Variants in ABR observed in about 807,000 individuals in gnomAD.
ABR encodes active breakpoint cluster region-related protein.
Under a neutral mutation model 107.2 loss-of-function variants are expected in ABR, and 35 were observed. The observed-to-expected ratio is 0.33, with a 90% CI of 0.25 to 0.43. The LOEUF is 0.43. ABR is among the 20% of genes least tolerant of loss of function. The probability of loss-of-function intolerance (pLI) is 1.00; values close to 1 mark genes in which losing one functional copy is unlikely to be tolerated. For missense variants in ABR, 815 were observed against 1,115.2 expected, an observed-to-expected ratio of 0.73 and a Z score of 3.83; for synonymous variants, 498 against 462.0, an observed-to-expected ratio of 1.08 and a Z score of -1.00.
chr17:1,080,705 G>C (rs2036164184), intron 5 of ABR, among the ~76,000 whole-genome samples: 1 of 133,240 alleles, frequency 7.5e-6, no homozygotes, highest in Admixed American at 9.2e-5. Flanking sequence ...GTCTCAAGCT[G>C]TTTCTAGACA....
intron 16 of ABR, among the ~76,000 whole-genome samples, chr17:1,014,782 G>A (rs1039366950): frequency 1.3e-5 from 2 of 150,392 alleles, no homozygotes; most frequent in African/African-American, 4.9e-5. Context: ...GTAGGTGGAG[G>A]TTGCAGTGAG....
chr17:1,058,136 CTTT>C (rs71148422), intron 11 of ABR, 91 bp from the exon 12 acceptor site: 1,148 of 316,928 alleles, frequency 3.6e-3, no homozygotes, highest in Middle Eastern at 7.6e-3. Context: ...CTCCTTTTAT[CTTT>C]TTTTTTTTTT....
At chr17:1,208,407 C>G (rs575530594) in intron 1 of ABR, among the ~76,000 whole-genome samples, 95 of 152,298 alleles carry the variant, frequency 6.2e-4, no homozygotes, top group Admixed American at 3.1e-3. Flanking sequence ...TGCTGCGTCT[C>G]GATCGGGTGA....
In ABR at chr17:1,200,599, T is replaced by A. The variant is rs1266387164; in HGVS notation, c.838+28194A>T. ...ATCTTTGGCCAGTCCAGCTTCATTT[T>A]CTCCCCTCCTCCCGTTACATCAAGC... On this transcript the variant is annotated intron_variant, in intron 1 of 22. Coordinates refer to the ABR transcript ENST00000574139. This position sits in a 1 kb window ranked among gnomAD's most constrained non-coding sequence, Gnocchi z 4.1. Among the ~76,000 whole-genome samples, 1 of 151,926 alleles carries A rather than the reference T, an allele frequency of 6.6e-6. No individual in the cohort carries two copies. The highest frequency in any genetic ancestry group is 1.5e-5 in the Non-Finnish European group (1 of 68,022).
chr17:1,180,805 G>A (rs531523377), upstream of ABR, among the ~76,000 whole-genome samples: 1 of 152,232 alleles, frequency 6.6e-6, no homozygotes, highest in African/African-American at 2.4e-5. Flanking sequence ...GAGATTGGGG[G>A]CCCCATGCCT....
In ABR at chr17:1,028,762, G is replaced by A. The variant is rs571935686; in HGVS notation, c.1792-15598C>T. 2.6e-5 allele frequency among the ~76,000 whole-genome samples: 4 copies of A among 152,274 alleles called. No individual in the cohort carries two copies. The South Asian group carries it at 6.2e-4, about 24-fold the overall frequency. ...GCACTCAATCTCCTTACACCCTGCCGGCTCAGCCTGAGTCCCCACCGCCGG... is the reference window on the plus strand; with the variant it reads ...GCACTCAATCTCCTTACACCCTGCCAGCTCAGCCTGAGTCCCCACCGCCGG... On this transcript the variant is annotated intron_variant, in intron 16 of 22. Coordinates refer to ENST00000302538, the MANE Select transcript of ABR (RefSeq NM_021962.5).
chr17:1,213,333 T>C, intron 1 of ABR, among the ~76,000 whole-genome samples: 1 of 152,204 alleles, frequency 6.6e-6, no homozygotes. Flanking sequence ...GACGTGGCCA[T>C]AGTTTAGGTG....
At chr17:1,134,938 G>T (rs527274232) in intron 1 of ABR, among the ~76,000 whole-genome samples, 1 of 152,398 alleles carries the variant, frequency 6.6e-6, no homozygotes, top group East Asian at 1.9e-4. Flanking sequence ...AAGTGCACGG[G>T]CCGCTGCGGG....
In ABR at chr17:1,138,760, G is replaced by A. The variant is rs576954264; in HGVS notation, c.62-13393C>T. Among the ~76,000 whole-genome samples, 6 of 152,198 alleles carry A rather than the reference G, an allele frequency of 3.9e-5. No individual in the cohort carries two copies. The South Asian group carries it at 8.3e-4, about 21-fold the overall frequency. On this transcript the variant is annotated intron_variant, in intron 1 of 22. Transcript: ENST00000302538. ...CCCAAAGTGCTGGGATTATAGGCATGAGCCACCACACTCTGCCTGAAAAAC... is the reference window on the plus strand; with the variant it reads ...CCCAAAGTGCTGGGATTATAGGCATAAGCCACCACACTCTGCCTGAAAAAC...
At chr17:1,073,179 CAAA>C (rs35495689) in intron 7 of ABR, among the ~76,000 whole-genome samples, 6 of 53,228 alleles carry the variant, frequency 1.1e-4, no homozygotes, top group African/African-American at 3.1e-4. Context: ...GACTCCGCCT[CAAA>C]AAAAAAAAAA....
upstream of ABR, among the ~76,000 whole-genome samples, chr17:1,191,375 T>TTTG (rs1567878920): frequency 7.0e-5 from 10 of 143,444 alleles, no homozygotes; most frequent in African/African-American, 2.5e-4. Flanking sequence ...TTTTTTTTTT[T>TTTG]GAGACAGAGT....
intron 1 of ABR, among the ~76,000 whole-genome samples, chr17:1,142,339 C>G (rs1479355464): frequency 1.1e-4 from 17 of 151,980 alleles, no homozygotes; most frequent in Non-Finnish European, 1.5e-4. Context: ...CATCCCAGCA[C>G]TTTGGGAGGC....
At chr17:1,196,115 C>T (rs1284522686) in intron 1 of ABR, among the ~76,000 whole-genome samples, 3 of 120,212 alleles carry the variant, frequency 2.5e-5, no homozygotes, top group African/African-American at 3.4e-5. Flanking sequence ...AGCAACAGAG[C>T]GAGATTCTGT....
chr17:1,209,729 C>T (rs1250752171), intron 1 of ABR, among the ~76,000 whole-genome samples: 2 of 152,210 alleles, frequency 1.3e-5, no homozygotes, highest in East Asian at 1.9e-4. Flanking sequence ...CTTTCTAATA[C>T]TTGGTGACGT....
chr17:1,170,004 G>A (rs2041648602), intron 1 of ABR, among the ~76,000 whole-genome samples: 1 of 118,058 alleles, frequency 8.5e-6, no homozygotes, highest in African/African-American at 3.5e-5. Context: ...GTGTGTGTGT[G>A]TGTGGGGGGG....
Position 1,011,869 on chromosome 17 carries a change from G to A in ABR, c.2078C>T (p.Ala693Val), listed in dbSNP as rs769863141. The A allele has an allele frequency of 1.3e-5, 20 of 1,593,608 alleles. No individual in the cohort carries two copies. Among genetic ancestry groups the A allele is most frequent in the Middle Eastern group, 1.7e-4 (1 of 5,988 alleles). ...RISGVATDIQALKAVFDANNK... is the reference protein window; with the variant it reads ...RISGVATDIQVLKAVFDANNK... ...ACTGGCATCGAAGACGGCCTTGAGC[G>A]CCTGGATGTCCGTGGCCACGCCCGA... Residue 693 changes from alanine (A) to valine (V), a missense_variant, in exon 19 of 23, where the codon GCG (alanine) becomes GTG (valine). Transcript: ENST00000302538. The surrounding 1 kb of genome is among the most constrained non-coding windows in gnomAD (Gnocchi z 4.8).
chr17:1,083,643 A>G lies in ABR; in HGVS notation c.532-16T>C, dbSNP rs748680925. ...GCTGGCTGGCCTGCAGGGAGGAGTCAGGGAACAGAGGGAGAGGAGGGTGGG... is the reference window on the plus strand; with the variant it reads ...GCTGGCTGGCCTGCAGGGAGGAGTCGGGGAACAGAGGGAGAGGAGGGTGGG... On this transcript the variant is annotated splice_polypyrimidine_tract_variant and intron_variant, in intron 4 of 22. Transcript: ENST00000302538. The G allele has an allele frequency of 1.2e-5, 18 of 1,446,604 alleles. No homozygotes were observed. The highest frequency in any genetic ancestry group is 1.7e-5 in the Admixed American group (1 of 58,592). The allele number at this position is 1,446,604 out of a possible 1,614,324, so 89.6% of individuals were successfully genotyped here.
chr17:1,159,890 T>C (rs1311479180), intron 1 of ABR, among the ~76,000 whole-genome samples: 1 of 152,208 alleles, frequency 6.6e-6, no homozygotes, highest in Non-Finnish European at 1.5e-5. Flanking sequence ...CCTGTGCCTT[T>C]GAGTCAGACC....
In ABR at chr17:1,227,502, T is replaced by C. The variant is rs77631068; in HGVS notation, c.838+1291A>G. 4.0e-4 allele frequency among the ~76,000 whole-genome samples: 61 copies of C among 152,314 alleles called. 2 individuals are homozygous for C. In the East Asian group the frequency reaches 0.012, roughly 29 times the overall value. On this transcript the variant is annotated intron_variant, in intron 1 of 22. Coordinates refer to the ABR transcript ENST00000574139. ...AACACAGCCAATCTTTGCTAAGGAA[T>C]AAGTGTAATTGATCAAAACAGATGA...
Sources: gnomAD v4.1 joint callset for allele counts (sites outside exome capture counted in the v4.1 genomes callset) on GRCh38, gnomAD v4.1.1 for gene constraint, Gnocchi (gnomAD v3.1) non-coding constraint, MANE v1.5 for transcripts, NCBI Gene and HGNC (gene_info 2026-07-23, HGNC 2026-07-21) for gene names.